Variants in TMEM108 observed in about 807,000 individuals in gnomAD.
TMEM108 encodes the protein transmembrane protein 108.
A neutral mutation model predicts 35.1 loss-of-function variants in TMEM108; 12 were observed. The observed-to-expected ratio is 0.34, with a 90% CI of 0.22 to 0.55. The LOEUF (loss-of-function observed/expected upper bound fraction) is 0.55. Among genes scored for constraint, TMEM108 ranks in the 20% least tolerant of loss-of-function variants. The probability of loss-of-function intolerance (pLI) is 0.89; values close to 1 mark genes in which losing one functional copy is unlikely to be tolerated. For missense variants in TMEM108, 680 were observed against 753.3 expected (o/e 0.90, Z 1.14); for synonymous variants, 287 against 308.6 (o/e 0.93, Z 0.73).
intron 1 of TMEM108, among the ~76,000 whole-genome samples, chr3:133,044,478 A>T (rs996368656): frequency 6.6e-6 from 1 of 152,202 alleles, no homozygotes; most frequent in African/African-American, 2.4e-5. Flanking sequence ...TCTGCAAATC[A>T]TTTTATGGTT....
At chr3:133,052,435 G>A (rs183866572) in intron 2 of TMEM108, among the ~76,000 whole-genome samples, 1 of 150,876 alleles carries the variant, frequency 6.6e-6, no homozygotes, top group African/African-American at 2.4e-5. Flanking sequence ...TCTGAACAAA[G>A]ATACTTTTAT....
intron 4 of TMEM108, 149 bp from the exon 5 acceptor site, chr3:133,390,031 A>C (rs2107859373): frequency 1.9e-5 from 17 of 894,840 alleles, no homozygotes; most frequent in Middle Eastern, 3.5e-4. Context: ...TGTGGAATTA[A>C]GGCTCACTTT....
chr3:133,106,823 G>A (rs1230361491), intron 2 of TMEM108, among the ~76,000 whole-genome samples: 2 of 152,162 alleles, frequency 1.3e-5, no homozygotes, highest in Non-Finnish European at 2.9e-5. Context: ...GCAACAACAT[G>A]ACTATACCTT....
At chr3:133,238,796 A>G (rs1273566356) in intron 3 of TMEM108, among the ~76,000 whole-genome samples, 1 of 152,214 alleles carries the variant, frequency 6.6e-6, no homozygotes. Flanking sequence ...ATGACATAGT[A>G]TTTAGGTCCA....
intron 3 of TMEM108, among the ~76,000 whole-genome samples, chr3:133,243,416 T>C (rs1946339252): frequency 6.6e-6 from 1 of 152,000 alleles, no homozygotes; most frequent in Non-Finnish European, 1.5e-5. Context: ...AAAAATAAAA[T>C]ATAATTCTTA....
At chr3:133,327,843 G>A (rs1364941759) in intron 3 of TMEM108, among the ~76,000 whole-genome samples, 2 of 152,018 alleles carry the variant, frequency 1.3e-5, no homozygotes, top group Admixed American at 1.3e-4. Context: ...GAAAAGCAGC[G>A]GTGAAATTCA....
chr3:133,062,152 A>G (rs967439020), intron 2 of TMEM108, among the ~76,000 whole-genome samples: 29 of 152,238 alleles, frequency 1.9e-4, no homozygotes, highest in Non-Finnish European at 3.7e-4. Context: ...AGTAAAATCA[A>G]TGCTTAGTCA....
At chr3:133,061,888 G>A (rs1402373915) in intron 2 of TMEM108, among the ~76,000 whole-genome samples, 1 of 152,224 alleles carries the variant, frequency 6.6e-6, no homozygotes, top group African/African-American at 2.4e-5. Flanking sequence ...ATTAGTGATT[G>A]CTTTGCGTTC....
chr3:133,248,750 G>A (rs1191469571), intron 3 of TMEM108, among the ~76,000 whole-genome samples: 1 of 152,076 alleles, frequency 6.6e-6, no homozygotes, highest in Non-Finnish European at 1.5e-5. Flanking sequence ...AGCTCATTTA[G>A]CCTCATTATT....
At chr3:133,158,931 G>C (rs1243929391) in intron 2 of TMEM108, among the ~76,000 whole-genome samples, 1 of 151,920 alleles carries the variant, frequency 6.6e-6, no homozygotes, top group African/African-American at 2.4e-5. Flanking sequence ...TAACAGCTCA[G>C]GCCATGTATA....
At chr3:133,174,127 G>A (rs571691316) in intron 2 of TMEM108, among the ~76,000 whole-genome samples, 15 of 152,340 alleles carry the variant, frequency 9.8e-5, no homozygotes, top group African/African-American at 2.9e-4. Flanking sequence ...AGCGAGGCTG[G>A]GGGAGGGTGC....
intron 3 of TMEM108, among the ~76,000 whole-genome samples, chr3:133,347,919 A>G (rs996485517): frequency 2.6e-5 from 4 of 152,090 alleles, no homozygotes; most frequent in African/African-American, 9.7e-5. Flanking sequence ...GAAGAGAGAG[A>G]TCACATTCTA....
intron 3 of TMEM108, among the ~76,000 whole-genome samples, chr3:133,236,215 C>G (rs940692237): frequency 6.6e-6 from 1 of 152,078 alleles, no homozygotes; most frequent in Non-Finnish European, 1.5e-5. Flanking sequence ...CTAGTACACC[C>G]TGCTAGCTCA....
At chr3:133,375,765 A>G (rs2072817590) in intron 3 of TMEM108, among the ~76,000 whole-genome samples, 2 of 152,220 alleles carry the variant, frequency 1.3e-5, no homozygotes, top group South Asian at 4.1e-4. Context: ...TATACAAATG[A>G]AAAGTTGCTT....
intron 3 of TMEM108, among the ~76,000 whole-genome samples, chr3:133,266,400 G>T (rs1259751214): frequency 2.6e-5 from 4 of 152,150 alleles, no homozygotes; most frequent in African/African-American, 7.2e-5. Flanking sequence ...TAAGAATATA[G>T]GAAGTACTCA....
At chr3:133,386,520 A>G (rs984546751) in intron 4 of TMEM108, 1 of 1,533,578 alleles carries the variant, frequency 6.5e-7, no homozygotes, top group Non-Finnish European at 8.7e-7. Context: ...TTCCTGTCAC[A>G]CATCTGACAA....
chr3:133,381,825 G>T (rs752616714), intron 4 of TMEM108, among the ~76,000 whole-genome samples: 1 of 152,136 alleles, frequency 6.6e-6, no homozygotes. Flanking sequence ...CTAAATTAAG[G>T]CTTGAGAGTT....
intron 2 of TMEM108, among the ~76,000 whole-genome samples, chr3:133,228,571 GTAA>G (rs1392254336): frequency 6.6e-6 from 1 of 151,860 alleles, no homozygotes; most frequent in Non-Finnish European, 1.5e-5. Flanking sequence ...TAAAGTAATA[GTAA>G]TAACACAAAG....
intron 2 of TMEM108, among the ~76,000 whole-genome samples, chr3:133,054,592 C>G (rs1943443506): frequency 6.6e-6 from 1 of 152,198 alleles, no homozygotes; most frequent in South Asian, 2.1e-4. Context: ...ATTACTACCT[C>G]ACATAGTGTG....
Sources: gnomAD v4.1 joint callset for allele counts (sites outside exome capture counted in the v4.1 genomes callset) on GRCh38, gnomAD v4.1.1 for gene constraint, MANE v1.5 for transcripts, NCBI Gene and HGNC (gene_info 2026-07-23, HGNC 2026-07-21) for gene names.